BACH1: variants seen among roughly 807,000 people sequenced by gnomAD.
BACH1 encodes the protein transcription regulator protein BACH1.
A neutral mutation model predicts 52.9 loss-of-function variants in BACH1; 35 were observed. The ratio of observed to expected loss-of-function variants is 0.66; its 90% confidence interval spans 0.51 to 0.88. The LOEUF is 0.88. Among genes scored for constraint, BACH1 ranks in the 40% least tolerant of loss-of-function variants. BACH1 has a pLI of 0.00. For synonymous variants in BACH1, 321 were observed against 319.6 expected, an observed-to-expected ratio of 1.00 and a Z score of -0.05; for missense variants, 808 against 872.6, an observed-to-expected ratio of 0.93 and a Z score of 0.93.
chr21:29,304,707 A>G (rs1281623658), intron 1 of BACH1, among the ~76,000 whole-genome samples: 1 of 152,058 alleles, frequency 6.6e-6, no homozygotes, highest in Non-Finnish European at 1.5e-5. Flanking sequence ...GTCTGCCTCC[A>G]GGACCCTAGG....
At chr21:29,308,736 A>G (rs2088686701) in intron 1 of BACH1, among the ~76,000 whole-genome samples, 1 of 152,370 alleles carries the variant, frequency 6.6e-6, no homozygotes, top group African/African-American at 2.4e-5. Flanking sequence ...ACAAGATGGC[A>G]TATGAAGAAT....
intron 1 of BACH1, among the ~76,000 whole-genome samples, chr21:29,307,423 G>A (rs151116572): frequency 1.3e-5 from 2 of 152,150 alleles, no homozygotes; most frequent in Non-Finnish European, 2.9e-5. Flanking sequence ...GTGTGTGTGT[G>A]TGTGGTGAGA....
chr21:29,313,237 AC>A (rs2088747433), intron 1 of BACH1, among the ~76,000 whole-genome samples: 1 of 152,196 alleles, frequency 6.6e-6, no homozygotes, highest in African/African-American at 2.4e-5. Flanking sequence ...GCTATCTGCC[AC>A]CGCCGATGAA....
intron 2 of BACH1, 114 bp downstream of exon 2, chr21:29,321,628 C>T: frequency 1.1e-6 from 1 of 902,324 alleles, no homozygotes; most frequent in Non-Finnish European, 1.6e-6. Flanking sequence ...GAGCATTTCC[C>T]AGGTTCTGTG....
At chr21:29,306,701 A>G (rs1787990185) in intron 1 of BACH1, among the ~76,000 whole-genome samples, 3 of 152,184 alleles carry the variant, frequency 2.0e-5, no homozygotes. Flanking sequence ...TAGTTCTGCC[A>G]CCACTACACT....
chr21:29,307,322 C>G (rs956622917), intron 1 of BACH1, among the ~76,000 whole-genome samples: 1 of 152,166 alleles, frequency 6.6e-6, no homozygotes, highest in Non-Finnish European at 1.5e-5. Flanking sequence ...TCTTGTAGTA[C>G]TCCTAACTTT....
intron 2 of BACH1, among the ~76,000 whole-genome samples, chr21:29,322,731 A>T (rs917838804): frequency 1.3e-5 from 2 of 151,828 alleles, no homozygotes; most frequent in Non-Finnish European, 2.9e-5. Context: ...GTTGCTGTCC[A>T]TGCCTACTTC....
chr21:29,301,168 AGAG>A (rs1175941409), intron 1 of BACH1, among the ~76,000 whole-genome samples: 24 of 152,356 alleles, frequency 1.6e-4, no homozygotes, highest in Middle Eastern at 3.4e-3. Flanking sequence ...GTCTGGGACT[AGAG>A]GAGATTAGAA....
At chr21:29,348,793 C>T (rs965057117), downstream of BACH1, among the ~76,000 whole-genome samples, 1 of 152,024 alleles carries the variant, frequency 6.6e-6, no homozygotes, top group Non-Finnish European at 1.5e-5. Flanking sequence ...ATGGAGGAGG[C>T]GTCTTAAATC....
At chr21:29,313,289 C>T (rs1055484495) in intron 1 of BACH1, among the ~76,000 whole-genome samples, 1 of 152,202 alleles carries the variant, frequency 6.6e-6, no homozygotes, top group East Asian at 1.9e-4. Context: ...ACACGTCTTA[C>T]GTAGAGCATT....
intron 1 of BACH1, among the ~76,000 whole-genome samples, chr21:29,319,868 A>G (rs2088829068): frequency 6.6e-6 from 1 of 151,742 alleles, no homozygotes; most frequent in African/African-American, 2.4e-5. Context: ...AAAGATATAT[A>G]ACTTCTTTGA....
intron 2 of BACH1, among the ~76,000 whole-genome samples, chr21:29,355,521 C>T (rs1213772391): frequency 6.6e-6 from 1 of 152,326 alleles, no homozygotes; most frequent in Non-Finnish European, 1.5e-5. Flanking sequence ...GATGACTGCT[C>T]TAGCTACTTC....
At chr21:29,308,438 A>G (rs1322930924) in intron 1 of BACH1, among the ~76,000 whole-genome samples, 1 of 152,150 alleles carries the variant, frequency 6.6e-6, no homozygotes, top group African/African-American at 2.4e-5. Context: ...TGATTGCCCT[A>G]CGGTAACTTC....
chr21:29,303,028 T>C (rs923600902), intron 1 of BACH1, among the ~76,000 whole-genome samples: 3 of 152,222 alleles, frequency 2.0e-5, no homozygotes, highest in Non-Finnish European at 2.9e-5. Context: ...CATTGTGGCC[T>C]GGCAGCTTTA....
At chr21:29,347,630 G>A (rs2089177363), downstream of BACH1, among the ~76,000 whole-genome samples, 1 of 152,186 alleles carries the variant, frequency 6.6e-6, no homozygotes, top group South Asian at 2.1e-4. Context: ...CCAGAGGGCA[G>A]ACCTCCTCTC....
At chr21:29,304,984 ATTATT>A (rs1022789253) in intron 1 of BACH1, among the ~76,000 whole-genome samples, 7 of 152,204 alleles carry the variant, frequency 4.6e-5, no homozygotes, top group African/African-American at 1.7e-4. Context: ...ATATTTAAAT[ATTATT>A]TTAAAAAATG....
chr21:29,327,053 C>G lies in BACH1; in HGVS notation c.1229C>G (p.Thr410Ser). Residue 410 changes from threonine (T) to serine (S), a missense_variant, in exon 3 of 5, where the codon ACT becomes AGT. Thr to Ser is a moderately conservative substitution (Grantham distance 58). Coordinates refer to ENST00000286800, the MANE Select transcript of BACH1 (RefSeq NM_001186.4). ...TGGAGTGACATTTGCAGCACGGACA[C>G]TCCTTGCCAAATGCAGTTATCACCT... ...GFWSDICSTD[T>S]PCQMQLSPAV... 1 of 1,614,210 alleles carries G rather than the reference C, an allele frequency of 6.2e-7. No individual in the cohort carries two copies. The highest frequency in any genetic ancestry group is 8.5e-7 in the Non-Finnish European group (1 of 1,180,048).
Position 29,345,537 on chromosome 21 carries a change from A to C in BACH1, c.*2704A>C, listed in dbSNP as rs2089160370. 6.6e-6 allele frequency: 1 copy of C among 152,356 alleles called. No homozygotes were observed. The highest frequency in any genetic ancestry group is 1.5e-5 in the Non-Finnish European group (1 of 68,028). 9.4% of individuals were successfully genotyped at this position (152,356 alleles called of 1,614,324 possible). ...TATTCAAATTCTGGAACTATAGCAA[A>C]TAATTCGTTAAATTGTCATATTCAA... On this transcript the variant is annotated 3_prime_UTR_variant, in exon 5 of 5. Transcript: ENST00000286800.
intron 2 of BACH1, among the ~76,000 whole-genome samples, chr21:29,358,771 A>AAAGAAAAGAAAGAAAG (rs1555888601): frequency 1.2e-3 from 27 of 23,308 alleles, no homozygotes; most frequent in African/African-American, 6.6e-3. Context: ...AAAGAAAAGA[A>AAAGAAAAGAAAGAAAG]AAGAAAGAAA....
Sources: allele counts gnomAD v4.1 joint callset (sites outside exome capture counted in the v4.1 genomes callset), GRCh38; gene constraint gnomAD v4.1.1; transcripts MANE v1.5; gene names NCBI Gene and HGNC (gene_info 2026-07-23, HGNC 2026-07-21).